TBC1D32: variants seen among roughly 807,000 people sequenced by gnomAD.
TBC1D32 encodes the protein protein broad-minded.
A neutral mutation model predicts 170.3 loss-of-function variants in TBC1D32; 151 were observed. The ratio of observed to expected loss-of-function variants is 0.89; its 90% CI spans 0.78 to 1.01. The LOEUF (loss-of-function observed/expected upper bound fraction) is 1.01. Ranked by LOEUF, TBC1D32 falls within the 50% of genes least tolerant of loss-of-function variation. The probability of loss-of-function intolerance (pLI) is 0.00; values close to 1 mark genes in which losing one functional copy is unlikely to be tolerated. For missense variants in TBC1D32, 1,464 were observed against 1,457.1 expected, an observed-to-expected ratio of 1.00 and a Z score of -0.08; for synonymous variants, 498 against 488.0, an observed-to-expected ratio of 1.02 and a Z score of -0.27.
intron 30 of TBC1D32, among the ~76,000 whole-genome samples, chr6:121,102,483 T>C (rs1778226734): frequency 6.6e-6 from 1 of 152,070 alleles, no homozygotes; most frequent in African/African-American, 2.4e-5. Context: ...AAACAAGAAA[T>C]GGGGAAACAA....
intron 22 of TBC1D32, among the ~76,000 whole-genome samples, chr6:121,191,944 A>AGG (rs1337174955): frequency 6.6e-6 from 1 of 151,852 alleles, no homozygotes; most frequent in African/African-American, 2.4e-5. Flanking sequence ...TCCTGCCCTC[A>AGG]AACATTGGAC....
intron 22 of TBC1D32, among the ~76,000 whole-genome samples, chr6:121,194,730 C>T (rs1175789798): frequency 1.3e-5 from 2 of 152,232 alleles, no homozygotes; most frequent in Non-Finnish European, 2.9e-5. Flanking sequence ...CCTTTACTGT[C>T]CCACCTCAGA....
upstream of TBC1D32, chr6:121,334,532 G>T (rs1338585930): frequency 2.3e-5 from 32 of 1,399,758 alleles, no homozygotes; most frequent in Non-Finnish European, 3.1e-5. Context: ...GCTACGTGCG[G>T]CGTCGTTCCC....
intron 22 of TBC1D32, among the ~76,000 whole-genome samples, chr6:121,197,543 C>A (rs1289974): frequency 0.038 from 5,715 of 152,108 alleles, 362 homozygotes; most frequent in African/African-American, 0.13. Flanking sequence ...ATTTTATTTC[C>A]TTTTCCTTTA....
At chr6:121,175,690 G>A (rs1383045594) in intron 22 of TBC1D32, among the ~76,000 whole-genome samples, 1 of 152,030 alleles carries the variant, frequency 6.6e-6, no homozygotes, top group African/African-American at 2.4e-5. Context: ...ATTAAAGAAA[G>A]GTTACCTCTT....
chr6:121,292,213 C>T lies in TBC1D32; in HGVS notation c.1232-20G>A, dbSNP rs1465231050. The T allele has an allele frequency of 6.4e-6, 10 of 1,567,296 alleles. No homozygotes were observed. Among genetic ancestry groups the T allele is most frequent in the Middle Eastern group, 1.7e-4 (1 of 5,920 alleles). On this transcript the variant is annotated intron_variant, in intron 11 of 31. Transcript: ENST00000398212. Reference sequence around the variant, plus strand: ...TGTTTCCTTAAAAGAGAAGCAAACACGAATATTTATTTAGTATCATTATAT... The same window carrying T: ...TGTTTCCTTAAAAGAGAAGCAAACATGAATATTTATTTAGTATCATTATAT...
At chr6:121,096,096 G>T (rs1483785155) in intron 30 of TBC1D32, 8 of 152,004 alleles carry the variant, frequency 5.3e-5, no homozygotes, top group Non-Finnish European at 1.2e-4. Context: ...ATTAATTACT[G>T]CCATAATTTT....
At chr6:121,250,349 C>CAAACCAAAT (rs1296395990) in intron 17 of TBC1D32, among the ~76,000 whole-genome samples, 1 of 152,108 alleles carries the variant, frequency 6.6e-6, no homozygotes, top group African/African-American at 2.4e-5. Context: ...AAAATACTGA[C>CAAACCAAAT]AAACCAAATC....
intron 15 of TBC1D32, 133 bp from the exon 16 acceptor site, chr6:121,256,418 T>G: frequency 1.5e-6 from 1 of 674,988 alleles, no homozygotes; most frequent in Non-Finnish European, 2.5e-6. Flanking sequence ...AATATTCACG[T>G]TCCCACCCAT....
At chr6:121,290,642 A>G (rs562509574) in intron 12 of TBC1D32, among the ~76,000 whole-genome samples, 39 of 152,340 alleles carry the variant, frequency 2.6e-4, no homozygotes, top group African/African-American at 9.4e-4. Flanking sequence ...CAGCAGTCCC[A>G]TTACTGGGTA....
In TBC1D32 at chr6:121,126,406, T is replaced by C; in HGVS notation, c.2955A>G (p.Glu985=). Residue 985 remains glutamate, a synonymous_variant, in exon 26 of 32, where the codon GAA becomes GAG. Transcript: ENST00000398212. The part of the protein sequence containing the change: ...FVLHLTESPS[E]CYFPSVEYTA... Reference sequence around the variant, plus strand: ...TATACTCCACTGAAGGGAAGTAGCATTCAGATGGGCTTTCAGTGAGATGAA... The same window carrying C: ...TATACTCCACTGAAGGGAAGTAGCACTCAGATGGGCTTTCAGTGAGATGAA... 6.2e-7 allele frequency: 1 copy of C among 1,612,908 alleles called. No homozygotes were observed. Among genetic ancestry groups the C allele is most frequent in the South Asian group, 1.1e-5 (1 of 90,990 alleles).
intron 12 of TBC1D32, among the ~76,000 whole-genome samples, chr6:121,285,455 G>A (rs1003275050): frequency 6.6e-6 from 1 of 152,056 alleles, no homozygotes; most frequent in Non-Finnish European, 1.5e-5. Flanking sequence ...GGTTTTTGGG[G>A]GATCTAAGCA....
At chr6:121,112,981 T>C (rs1779338781) in intron 28 of TBC1D32, 81 bp downstream of exon 28, 1 of 974,914 alleles carries the variant, frequency 1.0e-6, no homozygotes, top group Non-Finnish European at 1.6e-6. Context: ...TTACTATAAA[T>C]GTGTCAAGGT....
At chr6:121,190,073 GACACACAC>G (rs533974518) in intron 22 of TBC1D32, among the ~76,000 whole-genome samples, 935 of 63,686 alleles carry the variant, frequency 0.015, 19 homozygotes, top group East Asian at 0.024. Flanking sequence ...GCCCAATACA[GACACACAC>G]ACACACACAC....
chr6:121,297,375 G>C (rs7767417), intron 10 of TBC1D32, among the ~76,000 whole-genome samples: 16,162 of 151,930 alleles, frequency 0.11, 1,604 homozygotes, highest in African/African-American at 0.26. Context: ...AATACAATAA[G>C]ACACGAAAAA....
chr6:121,160,509 T>TTTTTTTTTTTTTTTTTTTTTTTTTTTA (rs1238925155), intron 23 of TBC1D32, among the ~76,000 whole-genome samples: 1 of 151,926 alleles, frequency 6.6e-6, no homozygotes. Context: ...AGAAGGTTCT[T>TTTTTTTTTTTTTTTTTTTTTTTTTTTA]AACAACAATG....
Position 121,317,591 on chromosome 6 carries a change from C to A in TBC1D32, c.399G>T (p.Glu133Asp). Residue 133 changes from glutamate (E) to aspartate (D), a missense_variant, in exon 3 of 32, where the codon GAG becomes GAT. Physicochemically the swap from Glu to Asp is conservative, Grantham distance 45 (BLOSUM62 2). Transcript: ENST00000398212. ...TTTTCTGCCTTTCTTGATTTCGTGT[C>A]TCATCTTCTTCAAACTTGTTAATCA... ...ESMINKFEEDETRNQERQKKI... is the reference protein window; with the variant it reads ...ESMINKFEEDDTRNQERQKKI... 1 of 1,612,100 alleles carries A rather than the reference C, an allele frequency of 6.2e-7. No homozygotes were observed.
rs1049018138 is a variant in TBC1D32, at chr6:121,157,539, T to C, written c.2773+2471A>G. The stretch of plus-strand genomic sequence containing the variant: ...GTACTGATATGTGAGATTCTGATCC[T>C]GTCATTCGGTTGGCAGTTGGTTGTT... On this transcript the variant is annotated intron_variant, in intron 24 of 31. Transcript: ENST00000398212. 2.6e-5 allele frequency among the ~76,000 whole-genome samples: 4 copies of C among 152,282 alleles called. No homozygotes were observed. In the South Asian group the frequency reaches 8.3e-4, roughly 32 times the overall value.
intron 26 of TBC1D32, 32 bp from the exon 27 acceptor site, chr6:121,115,273 G>A (rs755864370): frequency 2.0e-6 from 3 of 1,489,614 alleles, no homozygotes; most frequent in African/African-American, 1.4e-5. Context: ...GTTATAAAGT[G>A]CAGAAAAGTT....
Sources: allele counts gnomAD v4.1 joint callset (sites outside exome capture counted in the v4.1 genomes callset), GRCh38; gene constraint gnomAD v4.1.1; transcripts MANE v1.5; gene names NCBI Gene and HGNC (gene_info 2026-07-23, HGNC 2026-07-21).